The following CLIC5 variants were observed in gnomAD, a reference collection of about 807,000 sequenced individuals.
CLIC5 encodes CLIC family member 5, also known as chloride intracellular channel protein 5.
In CLIC5, 20 loss-of-function variants were observed where a neutral mutation model predicts 24.7. The observed-to-expected ratio is 0.81, with a 90% confidence interval of 0.57 to 1.18. The LOEUF is 1.18. Ranked by LOEUF, CLIC5 falls within the 50% of genes most tolerant of loss-of-function variation. The pLI, the probability that CLIC5 is intolerant of heterozygous loss-of-function variation, is 0.00. For missense variants in CLIC5, 341 were observed against 326.1 expected (o/e 1.05, Z -0.35); for synonymous variants, 159 against 135.6 (o/e 1.17, Z -1.20).
At chr6:46,044,703 T>C (rs1272158855) in intron 1 of CLIC5, among the ~76,000 whole-genome samples, 1 of 152,180 alleles carries the variant, frequency 6.6e-6, no homozygotes, top group South Asian at 2.1e-4. Context: ...ATTTTTCTTA[T>C]ATGATTTGGG....
upstream of CLIC5, chr6:46,015,930 G>T: frequency 1.0e-6 from 1 of 998,418 alleles, no homozygotes; most frequent in East Asian, 1.0e-4. Flanking sequence ...GCGGGGACGC[G>T]GCGGGGACAC....
chr6:46,005,980 G>A (rs375905544), intron 1 of CLIC5, among the ~76,000 whole-genome samples: 80 of 117,690 alleles, frequency 6.8e-4, no homozygotes, highest in African/African-American at 2.7e-3. Flanking sequence ...GCCTATGTGT[G>A]TATATATATA....
chr6:46,010,217 A>G (rs1273118795), intron 1 of CLIC5, among the ~76,000 whole-genome samples: 1 of 152,186 alleles, frequency 6.6e-6, no homozygotes, highest in Non-Finnish European at 1.5e-5. Flanking sequence ...TCTTGTACAC[A>G]TCAAGGGAGG....
At chr6:45,977,153 G>A (rs997928382) in intron 1 of CLIC5, among the ~76,000 whole-genome samples, 2 of 152,022 alleles carry the variant, frequency 1.3e-5, no homozygotes, top group Non-Finnish European at 2.9e-5. Flanking sequence ...TTTCACCCTT[G>A]AATAACAAGG....
At chr6:46,104,764 G>T in the CLIC5 span, among the ~76,000 whole-genome samples, 1 of 151,534 alleles carries the variant, frequency 6.6e-6, no homozygotes, top group Non-Finnish European at 1.5e-5. Context: ...ACACATAATA[G>T]TATCATGGTT....
intron 5 of CLIC5, among the ~76,000 whole-genome samples, chr6:45,910,597 A>G (rs1162002064): frequency 6.6e-6 from 1 of 152,240 alleles, no homozygotes; most frequent in Non-Finnish European, 1.5e-5. Flanking sequence ...TCCTTGCTTT[A>G]TAATCCACAG....
chr6:45,905,037 T>G (rs1762619009), intron 5 of CLIC5, among the ~76,000 whole-genome samples: 1 of 152,108 alleles, frequency 6.6e-6, no homozygotes, highest in African/African-American at 2.4e-5. Flanking sequence ...GCATCCATGT[T>G]GCTAAAAAGG....
At chr6:45,943,358 G>T (rs1764193962) in intron 3 of CLIC5, among the ~76,000 whole-genome samples, 1 of 151,524 alleles carries the variant, frequency 6.6e-6, no homozygotes, top group Admixed American at 6.6e-5. Flanking sequence ...GGGGTGCTTT[G>T]CACCGATGCT....
At chr6:46,055,740 A>G (rs1415496647) in intron 1 of CLIC5, among the ~76,000 whole-genome samples, 1 of 152,182 alleles carries the variant, frequency 6.6e-6, no homozygotes, top group Non-Finnish European at 1.5e-5. Flanking sequence ...TGTGCTAGGC[A>G]TGTGTGAGAT....
chr6:46,125,365 G>A, the CLIC5 span, among the ~76,000 whole-genome samples: 1 of 152,070 alleles, frequency 6.6e-6, no homozygotes, highest in Non-Finnish European at 1.5e-5. Context: ...TCATAGGTGG[G>A]AATTGAACAA....
At chr6:46,058,083 G>T (rs1768310723) in intron 1 of CLIC5, among the ~76,000 whole-genome samples, 1 of 151,192 alleles carries the variant, frequency 6.6e-6, no homozygotes, top group Non-Finnish European at 1.5e-5. Context: ...GTATGTGTGT[G>T]TGTGTGTGTG....
At chr6:45,998,091 C>T (rs756121541) in intron 1 of CLIC5, among the ~76,000 whole-genome samples, 14 of 152,210 alleles carry the variant, frequency 9.2e-5, no homozygotes, top group African/African-American at 2.9e-4. Flanking sequence ...TCCTTGGGAG[C>T]GGTTGTCTGG....
At chr6:45,893,761 T>G (rs1406034704), downstream of CLIC5, among the ~76,000 whole-genome samples, 6 of 152,170 alleles carry the variant, frequency 3.9e-5, no homozygotes, top group African/African-American at 1.4e-4. Flanking sequence ...ACAACACATA[T>G]ACATCCCTTT....
At chr6:45,956,064 T>C (rs537242939) in intron 1 of CLIC5, among the ~76,000 whole-genome samples, 1 of 152,174 alleles carries the variant, frequency 6.6e-6, no homozygotes, top group Non-Finnish European at 1.5e-5. Flanking sequence ...TATTATTGGG[T>C]GTTCTGTGCT....
intron 6 of CLIC5, among the ~76,000 whole-genome samples, chr6:45,882,812 C>T (rs1002083527): frequency 9.2e-5 from 14 of 152,190 alleles, no homozygotes; most frequent in Non-Finnish European, 8.8e-5. Flanking sequence ...ATGTTTAACT[C>T]CCTCATTCAT....
intron 2 of CLIC5, among the ~76,000 whole-genome samples, chr6:45,951,380 C>T (rs1764463111): frequency 6.6e-6 from 1 of 152,182 alleles, no homozygotes. Context: ...AATTGAACTT[C>T]CTGCACTTAG....
At chr6:46,079,844 T>G in exon 1 of CLIC5, 2 of 1,552,230 alleles carry the variant, frequency 1.3e-6, no homozygotes, top group Non-Finnish European at 1.7e-6. Context: ...AAGGCAGATC[T>G]TCCTTCATCA....
At chr6:46,122,433 G>A in the CLIC5 span, among the ~76,000 whole-genome samples, 2 of 152,206 alleles carry the variant, frequency 1.3e-5, no homozygotes, top group Non-Finnish European at 1.5e-5. Flanking sequence ...TTAAAGCAGT[G>A]TGTAGAGGGA....
Position 45,929,170 on chromosome 6 carries a change from A to G in CLIC5, c.406+12377T>C, listed in dbSNP as rs532921205. On this transcript the variant is annotated intron_variant, in intron 4 of 5. Transcript: ENST00000339561. ...CATTCAACAGGCCACGCCACCACCA[A>G]CCGCCTTCCTTACAACTGCCCAAGG... Among the ~76,000 whole-genome samples the G allele has an allele frequency of 2.4e-3, 365 of 152,132 alleles. 4 individuals are homozygous for G. Among genetic ancestry groups the G allele is most frequent in the African/African-American group, 8.4e-3 (350 of 41,512 alleles).
Sources: gnomAD v4.1 joint callset for allele counts (sites outside exome capture counted in the v4.1 genomes callset) on GRCh38, gnomAD v4.1.1 for gene constraint, MANE v1.5 for transcripts, NCBI Gene and HGNC (gene_info 2026-07-23, HGNC 2026-07-21) for gene names.